Variants in MYPN observed in about 807,000 individuals in gnomAD.
MYPN encodes myopalladin.
A neutral mutation model predicts 129.4 loss-of-function variants in MYPN; 63 were observed. That is an observed-to-expected ratio of 0.49 (90% CI 0.40 to 0.60). The LOEUF (loss-of-function observed/expected upper bound fraction) is 0.60, where lower values mean the gene tolerates loss of function less well. Ranked by LOEUF, MYPN falls within the 20% of genes least tolerant of loss-of-function variation. The pLI, the probability that MYPN is intolerant of heterozygous loss-of-function variation, is 0.00. For synonymous variants in MYPN, 629 were observed against 600.9 expected, an observed-to-expected ratio of 1.05 and a Z score of -0.68; for missense variants, 1,596 against 1,635.4, an observed-to-expected ratio of 0.98 and a Z score of 0.42.
chr10:68,095,850 G>A (rs556897556), intron 1 of MYPN, among the ~76,000 whole-genome samples: 3 of 152,234 alleles, frequency 2.0e-5, no homozygotes, highest in Admixed American at 1.3e-4. Context: ...GACAATGGCT[G>A]TACAACAATG....
At chr10:68,183,397 G>A (rs559122923) in intron 12 of MYPN, among the ~76,000 whole-genome samples, 2 of 152,020 alleles carry the variant, frequency 1.3e-5, no homozygotes, top group African/African-American at 4.8e-5. Flanking sequence ...AGGAGGCAAA[G>A]TTTGCAAGGA....
In MYPN at chr10:68,195,667, G is replaced by A. The variant is rs536521748; in HGVS notation, c.3158+135G>A. ...CTTGCAGCACTAGCATCACCTGGGC[G>A]TTGGTTGGAAATGCAGAATCCCAGG... On this transcript the variant is annotated intron_variant, in intron 15 of 19. Transcript: ENST00000358913. 4.9e-4 allele frequency: 370 copies of A among 760,912 alleles called. 6 individuals carry two copies. The highest frequency in any genetic ancestry group is 4.2e-3 in the South Asian group (287 of 68,236). 47.1% of individuals were successfully genotyped at this position (760,912 alleles called of 1,614,324 possible).
At chr10:68,202,171 G>T (rs2043727540) in intron 18 of MYPN, among the ~76,000 whole-genome samples, 177 bp downstream of exon 18, 1 of 152,234 alleles carries the variant, frequency 6.6e-6, no homozygotes, top group South Asian at 2.1e-4. Context: ...AGTGGCTCAT[G>T]CCTGTAATCC....
upstream of MYPN, among the ~76,000 whole-genome samples, chr10:68,102,931 T>C (rs1418563686): frequency 6.6e-6 from 1 of 152,212 alleles, no homozygotes; most frequent in Middle Eastern, 3.2e-3. Flanking sequence ...TGAAGCTCAC[T>C]GTCTAGCCTA....
chr10:68,089,246 G>A (rs1208841397), intron 1 of MYPN, among the ~76,000 whole-genome samples: 1 of 152,090 alleles, frequency 6.6e-6, no homozygotes, highest in Non-Finnish European at 1.5e-5. Flanking sequence ...TGGCCAGGCT[G>A]GTCTTGAACT....
intron 2 of MYPN, 118 bp from the exon 3 acceptor site, chr10:68,142,821 GT>G (rs1414095980): frequency 6.1e-6 from 6 of 987,172 alleles, no homozygotes; most frequent in Non-Finnish European, 9.7e-6. Flanking sequence ...TAATGATGGA[GT>G]TTTTTGTTGT....
intron 8 of MYPN, among the ~76,000 whole-genome samples, chr10:68,163,398 G>A (rs1229827697): frequency 6.6e-6 from 1 of 152,090 alleles, no homozygotes; most frequent in Admixed American, 6.5e-5. Context: ...AGGCCGAGGC[G>A]GGTGGATCAT....
intron 2 of MYPN, among the ~76,000 whole-genome samples, chr10:68,136,012 C>A (rs529741789): frequency 2.0e-5 from 3 of 152,098 alleles, no homozygotes; most frequent in African/African-American, 4.8e-5. Context: ...TTTTAACAAG[C>A]GTTATTACTG....
chr10:68,140,392 C>A (rs1371523351), intron 2 of MYPN, among the ~76,000 whole-genome samples: 2 of 152,132 alleles, frequency 1.3e-5, no homozygotes, highest in Non-Finnish European at 2.9e-5. Context: ...ATCCAAGACA[C>A]TGTCCTTACC....
chr10:68,142,448 C>T (rs2042592624), intron 2 of MYPN, among the ~76,000 whole-genome samples: 1 of 152,072 alleles, frequency 6.6e-6, no homozygotes, highest in African/African-American at 2.4e-5. Flanking sequence ...AGAATATGAC[C>T]CCTCCTCCTT....
chr10:68,138,191 C>A (rs1165527718), intron 2 of MYPN, among the ~76,000 whole-genome samples: 1 of 151,372 alleles, frequency 6.6e-6, no homozygotes, highest in Non-Finnish European at 1.5e-5. Flanking sequence ...CAACCTCTGC[C>A]TCCTGGGTTC....
rs192296874 is a variant in MYPN at position 68,205,606 on chromosome 10, G to T, written c.3660-1164G>T. 4.9e-3 allele frequency among the ~76,000 whole-genome samples: 737 copies of T among 151,910 alleles called. 1 individual carries two copies. Among genetic ancestry groups the T allele is most frequent in the Middle Eastern group, 0.017 (5 of 292 alleles). On this transcript the variant is annotated intron_variant, in intron 18 of 19. Transcript: ENST00000358913. ...GAAAGCTGAGGCACAAGAGTCTCTT[G>T]AACCTGGGAGGGGGAGGGTGCAGTG...
At chr10:68,197,929 T>G in intron 16 of MYPN, among the ~76,000 whole-genome samples, 1 of 152,010 alleles carries the variant, frequency 6.6e-6, no homozygotes, top group Non-Finnish European at 1.5e-5. Context: ...GGTGGGCAAA[T>G]GGGTGATTCA....
chr10:68,123,328 G>A (rs934345858), intron 2 of MYPN, among the ~76,000 whole-genome samples: 2 of 151,864 alleles, frequency 1.3e-5, no homozygotes, highest in Admixed American at 6.6e-5. Flanking sequence ...GTAGTGAGCC[G>A]AGATCGCACC....
In MYPN at chr10:68,211,244, C is replaced by T. The variant is rs944147068; in HGVS notation, c.*789C>T. ...GGTAATAAACCAATCAGAAAGAAAT[C>T]CTCTGTGGGGTCACTTTAAAAACTA... On this transcript the variant is annotated 3_prime_UTR_variant, in exon 20 of 20. Coordinates refer to ENST00000358913, the MANE Select transcript of MYPN (RefSeq NM_032578.4). 4.4e-6 allele frequency: 2 copies of T among 453,920 alleles called. No homozygotes were observed. Among genetic ancestry groups the T allele is most frequent in the Non-Finnish European group, 8.8e-6 (2 of 226,786 alleles). 28.1% of individuals were successfully genotyped at this position (453,920 alleles called of 1,614,324 possible).
At chr10:68,203,968 CCTT>C (rs1203831981) in intron 18 of MYPN, among the ~76,000 whole-genome samples, 1 of 152,150 alleles carries the variant, frequency 6.6e-6, no homozygotes, top group Non-Finnish European at 1.5e-5. Context: ...ACTCTCTTCG[CCTT>C]CTTCTCTACC....
intron 1 of MYPN, among the ~76,000 whole-genome samples, chr10:68,093,379 G>A (rs1432956784): frequency 3.9e-5 from 6 of 152,162 alleles, no homozygotes; most frequent in Middle Eastern, 3.4e-3. Flanking sequence ...CCAAGACAGC[G>A]TTCTTGGATC....
intron 2 of MYPN, among the ~76,000 whole-genome samples, chr10:68,139,277 A>T (rs1013053702): frequency 2.0e-4 from 31 of 152,138 alleles, no homozygotes; most frequent in Admixed American, 2.6e-4. Context: ...TGTGTCTCCA[A>T]ATCCCAAAAC....
chr10:68,095,731 G>T (rs921919430), intron 1 of MYPN, among the ~76,000 whole-genome samples: 1 of 152,002 alleles, frequency 6.6e-6, no homozygotes, highest in Non-Finnish European at 1.5e-5. Flanking sequence ...GGACAGAAAG[G>T]AGAATGGTGG....
Sources: gnomAD v4.1 joint callset for allele counts (sites outside exome capture counted in the v4.1 genomes callset) on GRCh38, gnomAD v4.1.1 for gene constraint, MANE v1.5 for transcripts, NCBI Gene and HGNC (gene_info 2026-07-23, HGNC 2026-07-21) for gene names.